Variants in DMXL2 observed in about 807,000 individuals in gnomAD.
The protein encoded by DMXL2 is dmX-like protein 2.
DMXL2 carries 103 observed loss-of-function variants against 331.1 expected under a neutral mutation model. The observed-to-expected ratio is 0.31, with a 90% CI of 0.27 to 0.37. The LOEUF is 0.37. DMXL2 is among the 10% of genes least tolerant of loss of function. The pLI is 1.00. For synonymous variants in DMXL2, 1,281 were observed against 1,252.1 expected (o/e 1.02, Z -0.49); for missense variants, 3,171 against 3,642.9 (o/e 0.87, Z 3.33).
intron 31 of DMXL2, among the ~76,000 whole-genome samples, chr15:51,465,214 G>A (rs2040467227): frequency 6.6e-6 from 1 of 152,086 alleles, no homozygotes; most frequent in South Asian, 2.1e-4. Flanking sequence ...TGGGTAACAT[G>A]ATGTAACTTT....
chr15:51,482,091 C>T (rs1197705085), intron 23 of DMXL2, among the ~76,000 whole-genome samples: 1 of 152,138 alleles, frequency 6.6e-6, no homozygotes, highest in Admixed American at 6.5e-5. Flanking sequence ...ACCATGTCAA[C>T]ATTTTACATA....
At chr15:51,458,852 T>C (rs886271052) in intron 34 of DMXL2, 57 bp from the exon 35 acceptor site, 39 of 1,381,580 alleles carry the variant, frequency 2.8e-5, no homozygotes, top group Non-Finnish European at 3.8e-5. Context: ...TTTAGAGTTA[T>C]GCACATCCCA....
chr15:51,597,798 C>T (rs1197834797), intron 1 of DMXL2, among the ~76,000 whole-genome samples: 1 of 152,172 alleles, frequency 6.6e-6, no homozygotes, highest in African/African-American at 2.4e-5. Flanking sequence ...CTTGCCATCA[C>T]CAGATACATG....
Position 51,456,091 on chromosome 15 carries a change from A to G in DMXL2, c.8501T>C (p.Leu2834Ser). Residue 2834 changes from leucine (L) to serine (S), a missense_variant, in exon 39 of 44, where the codon TTA becomes TCA. By Grantham distance (145) the Leu-to-Ser change is moderately radical. Transcript: ENST00000560891. ...RQAGNARVTRLYFNSQGNKCG... is the reference protein window; with the variant it reads ...RQAGNARVTRSYFNSQGNKCG... The stretch of plus-strand genomic sequence containing the variant: ...CTTGTTGCCTTGTGAATTAAAATAT[A>G]ATCTAGTAACTCTTGCATTGCCAGC... 6.2e-7 allele frequency: 1 copy of G among 1,614,210 alleles called. No homozygotes were observed. The highest frequency in any genetic ancestry group is 8.5e-7 in the Non-Finnish European group (1 of 1,180,038).
Position 51,545,662 on chromosome 15 carries a change from CA to C in DMXL2, c.850del (p.Cys284ValfsTer32). ...GGCAATGCTGGAAGTGGTAGTCTCA[CA>C]AATCTGCTCACCCAAAAGACAGTCT... is the stretch of plus-strand genomic sequence containing the variant. The part of the protein sequence containing the change: ...PEDCLLGEQI[C>X]ETTTSSIASS... On this transcript the variant is annotated frameshift_variant, in exon 8 of 44. Coordinates refer to ENST00000560891, the MANE Select transcript of DMXL2 (RefSeq NM_001378457.1). LOFTEE classifies it high-confidence loss of function. 1 of 1,613,558 alleles carries C rather than the reference CA, an allele frequency of 6.2e-7. No homozygotes were observed. The highest frequency in any genetic ancestry group is 8.5e-7 in the Non-Finnish European group (1 of 1,179,744).
chr15:51,533,387 T>G (rs1449859637), intron 13 of DMXL2, among the ~76,000 whole-genome samples: 2 of 152,060 alleles, frequency 1.3e-5, no homozygotes, highest in Admixed American at 6.6e-5. Context: ...ATGCATATTA[T>G]AAAACCTTGA....
chr15:51,606,391 T>C (rs1176899055), intron 1 of DMXL2, among the ~76,000 whole-genome samples: 2 of 152,154 alleles, frequency 1.3e-5, no homozygotes, highest in Non-Finnish European at 2.9e-5. Context: ...AGACAGGGTT[T>C]CACCAGTTGA....
In DMXL2 at chr15:51,617,376, G is replaced by A. The variant is rs565214986; in HGVS notation, c.87+5083C>T. On this transcript the variant is annotated intron_variant, in intron 1 of 43. Transcript: ENST00000560891. ...CAACTATCATCTGCCAGGTGCCAAG[G>A]ACCAAAACCTAATCAAGAGGCTTCT... Among the ~76,000 whole-genome samples, 26 of 152,226 alleles carry A rather than the reference G, an allele frequency of 1.7e-4. No homozygotes were observed. The South Asian group carries it at 4.8e-3, about 28-fold the overall frequency.
chr15:51,598,863 A>G (rs1227179292), intron 1 of DMXL2, among the ~76,000 whole-genome samples: 1 of 152,172 alleles, frequency 6.6e-6, no homozygotes, highest in African/African-American at 2.4e-5. Context: ...ATTAATAAGT[A>G]TACTGTGGGA....
chr15:51,497,093 A>C (rs1007012907), intron 18 of DMXL2, among the ~76,000 whole-genome samples: 2 of 152,218 alleles, frequency 1.3e-5, no homozygotes, highest in Non-Finnish European at 2.9e-5. Flanking sequence ...TATTAAACAC[A>C]CAACACAAGC....
In DMXL2 at chr15:51,488,038, AT is replaced by A; in HGVS notation, c.5132del (p.Asn1711MetfsTer20). 1.9e-6 allele frequency: 3 copies of A among 1,612,962 alleles called. No homozygotes were observed. Among genetic ancestry groups the A allele is most frequent in the Non-Finnish European group, 2.5e-6 (3 of 1,179,706 alleles). On this transcript the variant is annotated frameshift_variant, in exon 22 of 44. Coordinates refer to ENST00000560891, the MANE Select transcript of DMXL2 (RefSeq NM_001378457.1). LOFTEE classifies it high-confidence loss of function. ...EDRWRKAALK[N>X]AFSLLGKQRF... ...GTTGTTTTCCAAGTAAGGAAAAAGC[AT>A]TTTTCAAAGCAGCTTTTCGCCATCT...
chr15:51,606,493 C>A (rs917726771), intron 1 of DMXL2, among the ~76,000 whole-genome samples: 5 of 152,164 alleles, frequency 3.3e-5, no homozygotes, highest in Admixed American at 6.5e-5. Context: ...TGGCGCCCGG[C>A]CACTTGTAGA....
At chr15:51,453,987 C>A in intron 40 of DMXL2, 1 of 185,594 alleles carries the variant, frequency 5.4e-6, no homozygotes, top group Non-Finnish European at 1.1e-5. Context: ...CTTTAACAGT[C>A]ACAAAGGAAA....
In DMXL2 at chr15:51,479,068, G is replaced by C. The variant is rs116723602; in HGVS notation, c.6757-721C>G. Among the ~76,000 whole-genome samples, 766 of 152,254 alleles carry C rather than the reference G, an allele frequency of 5.0e-3. 7 individuals are homozygous for C. The highest frequency in any genetic ancestry group is 0.016 in the African/African-American group (681 of 41,550). On this transcript the variant is annotated intron_variant, in intron 25 of 43. Coordinates refer to ENST00000560891, the MANE Select transcript of DMXL2 (RefSeq NM_001378457.1). Reference sequence around the variant, plus strand: ...GCCTTATCCAAATGTCTAGGAACTAGAAATGTTTACTTTGAATTCATATGC... The same window carrying C: ...GCCTTATCCAAATGTCTAGGAACTACAAATGTTTACTTTGAATTCATATGC...
At chr15:51,514,589 T>G (rs768912864) in intron 14 of DMXL2, 30 bp from the exon 15 acceptor site, 10 of 1,410,134 alleles carry the variant, frequency 7.1e-6, no homozygotes, top group Non-Finnish European at 9.8e-6. Context: ...TGAAGAGGTT[T>G]TATCTTTGAA....
Position 51,456,000 on chromosome 15 carries a change from A to G in DMXL2, c.8526+66T>C, listed in dbSNP as rs1397586823. ...TGAATTCATTTTTCGATGCACTTTT[A>G]TCACTTACTCCTAAATATCCACAAC... On this transcript the variant is annotated intron_variant, in intron 39 of 43. Coordinates refer to ENST00000560891, the MANE Select transcript of DMXL2 (RefSeq NM_001378457.1). 5.7e-6 allele frequency: 9 copies of G among 1,574,008 alleles called. No homozygotes were observed. The East Asian group carries it at 2.0e-4, about 35-fold the overall frequency.
intron 40 of DMXL2, among the ~76,000 whole-genome samples, chr15:51,454,644 G>A (rs568698537): frequency 1.8e-4 from 28 of 152,066 alleles, no homozygotes; most frequent in Admixed American, 1.8e-3. Context: ...CTTCATGCAC[G>A]TGTCACCATG....
chr15:51,507,010 C>A, intron 16 of DMXL2, 124 bp downstream of exon 16: 1 of 737,196 alleles, frequency 1.4e-6, no homozygotes, highest in Non-Finnish European at 1.9e-6. Context: ...TTAGAAGAGA[C>A]ATAATTCAGC....
intron 15 of DMXL2, among the ~76,000 whole-genome samples, chr15:51,510,234 G>C (rs2046674807): frequency 6.6e-6 from 1 of 152,182 alleles, no homozygotes; most frequent in African/African-American, 2.4e-5. Context: ...AAGCAATAAA[G>C]GGTATTCAAA....
Sources: allele counts gnomAD v4.1 joint callset (sites outside exome capture counted in the v4.1 genomes callset), GRCh38; gene constraint gnomAD v4.1.1; transcripts MANE v1.5; gene names NCBI Gene and HGNC (gene_info 2026-07-23, HGNC 2026-07-21).